Variants in PITX3 observed in about 807,000 individuals in gnomAD.
PITX3 encodes the protein pituitary homeobox 3.
Under a neutral mutation model 14.2 loss-of-function variants are expected in PITX3, and 4 were observed. That is an observed-to-expected ratio of 0.28 (90% CI 0.14 to 0.65). The LOEUF (loss-of-function observed/expected upper bound fraction) is 0.65. Ranked by LOEUF, PITX3 falls within the 30% of genes least tolerant of loss-of-function variation. The probability of loss-of-function intolerance (pLI) is 0.82; values close to 1 mark genes in which losing one functional copy is unlikely to be tolerated. For synonymous variants in PITX3, 194 were observed against 204.5 expected, an observed-to-expected ratio of 0.95 and a Z score of 0.44; for missense variants, 358 against 426.8, an observed-to-expected ratio of 0.84 and a Z score of 1.42.
intron 1 of PITX3, among the ~76,000 whole-genome samples, chr10:102,235,291 A>C (rs1474286149): frequency 6.6e-6 from 1 of 151,546 alleles, no homozygotes; most frequent in African/African-American, 2.4e-5. Flanking sequence ...TCTGCACTGG[A>C]TGCTGCTGAG....
chr10:102,237,004 G>T (rs1478578100), intron 1 of PITX3, among the ~76,000 whole-genome samples: 5 of 152,230 alleles, frequency 3.3e-5, no homozygotes, highest in African/African-American at 4.8e-5. Flanking sequence ...CACATTTGCA[G>T]CAAAGATTTG....
At chr10:102,231,897 CG>C in intron 2 of PITX3, 65 bp downstream of exon 2, 1 of 1,557,002 alleles carries the variant, frequency 6.4e-7, no homozygotes, top group Non-Finnish European at 8.8e-7. Flanking sequence ...GCTGCCCAGC[CG>C]GGGTCCCACC....
intron 3 of PITX3, 145 bp downstream of exon 3, chr10:102,231,443 A>G (rs2070233324): frequency 3.3e-6 from 2 of 614,586 alleles, no homozygotes; most frequent in East Asian, 5.7e-5. Context: ...CGGGCAAGAG[A>G]CCGCGTGGGG....
At chr10:102,235,166 T>TCCCCC (rs1388718222) in intron 1 of PITX3, among the ~76,000 whole-genome samples, 109 of 58,998 alleles carry the variant, frequency 1.8e-3, no homozygotes, top group African/African-American at 7.0e-3. Flanking sequence ...TTATTACCCT[T>TCCCCC]CCCCCACCCC....
intron 3 of PITX3, 73 bp downstream of exon 3, chr10:102,231,515 C>T: frequency 1.9e-6 from 2 of 1,031,324 alleles, no homozygotes; most frequent in South Asian, 1.4e-5. Flanking sequence ...TGGGGTGGAA[C>T]CGCTGGCCTC....
chr10:102,236,254 G>A (rs1239176564), intron 1 of PITX3, among the ~76,000 whole-genome samples: 1 of 152,178 alleles, frequency 6.6e-6, no homozygotes, highest in Non-Finnish European at 1.5e-5. Context: ...CAGGGACTTC[G>A]CCTCACTCAG....
At chr10:102,238,500 C>T (rs1489581179) in intron 1 of PITX3, among the ~76,000 whole-genome samples, 1 of 152,158 alleles carries the variant, frequency 6.6e-6, no homozygotes, top group African/African-American at 2.4e-5. Context: ...ATCTGAAGTC[C>T]ACGATAGGGT....
rs1379438228 is a variant in PITX3, at chr10:102,231,952, G to A, written c.118+11C>T. 6.2e-7 allele frequency: 1 copy of A among 1,602,714 alleles called. No individual in the cohort carries two copies. Among genetic ancestry groups the A allele is most frequent in the South Asian group, 1.1e-5 (1 of 90,896 alleles). ...GTTATGTCCTGCACCCCCGGAAGGGGGCGCGCTTACCGCTGTGCTCCTGGC... is the reference window on the plus strand; with the variant it reads ...GTTATGTCCTGCACCCCCGGAAGGGAGCGCGCTTACCGCTGTGCTCCTGGC... On this transcript the variant is annotated intron_variant, in intron 2 of 3. Coordinates refer to ENST00000370002, the MANE Select transcript of PITX3 (RefSeq NM_005029.4).
intron 1 of PITX3, among the ~76,000 whole-genome samples, chr10:102,232,685 AAAC>A (rs553096843): frequency 9.4e-4 from 142 of 150,392 alleles, no homozygotes; most frequent in Admixed American, 7.8e-3. Flanking sequence ...CTGTCTCAAA[AAAC>A]AACAACAACA....
chr10:102,231,032 C>T lies in PITX3; in HGVS notation c.391G>A (p.Gly131Ser). The T allele has an allele frequency of 6.3e-7, 1 of 1,596,566 alleles. No individual in the cohort carries two copies. The highest frequency in any genetic ancestry group is 8.5e-7 in the Non-Finnish European group (1 of 1,172,632). The change falls in exon 4 of 4, where the codon GGC becomes AGC. Residue 131 changes from glycine (G) to serine (S), a missense_variant. Gly to Ser is a moderately conservative substitution (Grantham distance 56). Transcript: ENST00000370002. ...CCCCCGAGCGGCGCCGCGAAGCTGC[C>T]TTTGCATAGCTCGGCCTGCTGGCTG... ...ERSQQAELCK[G>S]SFAAPLGGLV...
chr10:102,231,390 G>T (rs1564991628), intron 3 of PITX3, among the ~76,000 whole-genome samples, 198 bp downstream of exon 3: 1 of 152,168 alleles, frequency 6.6e-6, no homozygotes, highest in Admixed American at 6.5e-5. Flanking sequence ...GAAGCGCGCG[G>T]TCCGAGTAGT....
rs1175993517 is a variant in PITX3 at position 102,231,708 on chromosome 10, C to A, written c.201G>T (p.Thr67=). 6.2e-7 allele frequency: 1 copy of A among 1,609,332 alleles called. No homozygotes were observed. The highest frequency in any genetic ancestry group is 8.5e-7 in the Non-Finnish European group (1 of 1,178,174). Residue 67 remains threonine, a synonymous_variant, in exon 3 of 4, where the codon ACG becomes ACT. Coordinates refer to ENST00000370002, the MANE Select transcript of PITX3 (RefSeq NM_005029.4). The part of the protein sequence containing the change: ...SLKKKQRRQR[T]HFTSQQLQEL... ...CCTGTAGCTGCTGGCTGGTGAAGTG[C>A]GTGCGCTGCCGCCGCTGCTTCTTTT...
In PITX3 at chr10:102,230,439, G is replaced by C. The variant is rs1291640876; in HGVS notation, c.*75C>G. Reference sequence around the variant, plus strand: ...CAGACCCTGGGGCGGGAGCAAGCCAGTCAAAATGACCCCAGTCCGCGGAGG... The same window carrying C: ...CAGACCCTGGGGCGGGAGCAAGCCACTCAAAATGACCCCAGTCCGCGGAGG... On this transcript the variant is annotated 3_prime_UTR_variant, in exon 4 of 4. Coordinates refer to ENST00000370002, the MANE Select transcript of PITX3 (RefSeq NM_005029.4). 2.6e-6 allele frequency: 4 copies of C among 1,535,292 alleles called. No individual in the cohort carries two copies. The highest frequency in any genetic ancestry group is 2.3e-4 in the Middle Eastern group (1 of 4,324).
At chr10:102,239,495 G>A (rs897153523) in intron 1 of PITX3, among the ~76,000 whole-genome samples, 1 of 152,226 alleles carries the variant, frequency 6.6e-6, no homozygotes, top group Admixed American at 6.5e-5. Flanking sequence ...GGGGATAATT[G>A]TGGTGTGTCT....
At chr10:102,239,272 G>A (rs1369981125) in intron 1 of PITX3, among the ~76,000 whole-genome samples, 1 of 152,230 alleles carries the variant, frequency 6.6e-6, no homozygotes, top group African/African-American at 2.4e-5. Flanking sequence ...AAAAGGTTCT[G>A]TCTTTTGTTT....
chr10:102,234,316 A>C (rs1055661636), intron 1 of PITX3, among the ~76,000 whole-genome samples: 1 of 152,122 alleles, frequency 6.6e-6, no homozygotes, highest in Non-Finnish European at 1.5e-5. Flanking sequence ...AGGTCAAGGC[A>C]GGAGGTTGAG....
chr10:102,231,436 G>A, intron 3 of PITX3, 152 bp downstream of exon 3: 1 of 631,902 alleles, frequency 1.6e-6, no homozygotes, highest in East Asian at 2.7e-5. Flanking sequence ...AGGTTGGCGG[G>A]CAAGAGACCG....
intron 3 of PITX3, 60 bp downstream of exon 3, chr10:102,231,528 G>T: frequency 2.6e-6 from 3 of 1,162,964 alleles, no homozygotes; most frequent in Non-Finnish European, 3.7e-6. Flanking sequence ...CTGGCCTCCG[G>T]GTCGCAGGCT....
chr10:102,237,455 G>A (rs2070426892), intron 1 of PITX3, among the ~76,000 whole-genome samples: 1 of 152,064 alleles, frequency 6.6e-6, no homozygotes, highest in Admixed American at 6.5e-5. Context: ...AGAGAGAAAC[G>A]AGTCAAACCG....
Sources: gnomAD v4.1 joint callset for allele counts (sites outside exome capture counted in the v4.1 genomes callset) on GRCh38, gnomAD v4.1.1 for gene constraint, MANE v1.5 for transcripts, NCBI Gene and HGNC (gene_info 2026-07-23, HGNC 2026-07-21) for gene names.